Variants in CHLSN observed in about 807,000 individuals in gnomAD.
The protein encoded by CHLSN is protein cholesin.
At chr7:1,060,528 C>CGTGGGGACA in the CHLSN span, among the ~76,000 whole-genome samples, 5 of 152,120 alleles carry the variant, frequency 3.3e-5, no homozygotes, top group Non-Finnish European at 5.9e-5. Flanking sequence ...CAGCCATCGA[C>CGTGGGGACA]GTGGGGACGT....
the CHLSN span, among the ~76,000 whole-genome samples, chr7:1,079,882 G>A: frequency 6.6e-6 from 1 of 152,262 alleles, no homozygotes; most frequent in African/African-American, 2.4e-5. Flanking sequence ...GAGGGCCCAT[G>A]CTGCCGTCAA....
the CHLSN span, chr7:1,010,105 T>A: frequency 3.1e-6 from 5 of 1,612,688 alleles, no homozygotes; most frequent in Non-Finnish European, 4.2e-6. Context: ...GGGACAGCTC[T>A]GGCTCTGCGT....
chr7:989,209 G>C, the CHLSN span: 1 of 244,552 alleles, frequency 4.1e-6, no homozygotes, highest in Admixed American at 5.0e-5. Context: ...AGGCGCAGGT[G>C]GGTGTCCTCA....
chr7:1,092,362 C>T, the CHLSN span: 8 of 1,610,968 alleles, frequency 5.0e-6, no homozygotes, highest in South Asian at 1.1e-5. Flanking sequence ...CGCGGATGTC[C>T]GGGAGGTGCA....
chr7:1,032,336 G>A, the CHLSN span, among the ~76,000 whole-genome samples: 9 of 152,352 alleles, frequency 5.9e-5, no homozygotes, highest in African/African-American at 2.2e-4. Flanking sequence ...TGGAGGCCTC[G>A]GCGAGGCTCC....
At chr7:986,132 G>A in the CHLSN span, among the ~76,000 whole-genome samples, 1 of 152,146 alleles carries the variant, frequency 6.6e-6, no homozygotes, top group Non-Finnish European at 1.5e-5. Context: ...GACGCCGCGT[G>A]GAACTCACTA....
At chr7:998,809 G>A in the CHLSN span, among the ~76,000 whole-genome samples, 1 of 152,144 alleles carries the variant, frequency 6.6e-6, no homozygotes, top group African/African-American at 2.4e-5. Flanking sequence ...TGTGCTTCTA[G>A]AGTCACATTT....
the CHLSN span, among the ~76,000 whole-genome samples, chr7:1,053,804 G>C: frequency 1.3e-5 from 2 of 152,178 alleles, no homozygotes; most frequent in Non-Finnish European, 2.9e-5. Flanking sequence ...TCCAGCCTGG[G>C]CAACAGAGCG....
chr7:984,692 G>A, the CHLSN span: 2 of 1,401,114 alleles, frequency 1.4e-6, no homozygotes, highest in South Asian at 2.7e-5. Context: ...AGAGCAGGCA[G>A]GAGCTGGGCC....
chr7:1,132,650 T>C, the CHLSN span, among the ~76,000 whole-genome samples: 1 of 143,696 alleles, frequency 7.0e-6, no homozygotes, highest in South Asian at 2.2e-4. Flanking sequence ...GCCATGATTA[T>C]GCCACTGCAA....
At chr7:1,130,256 G>A in the CHLSN span, among the ~76,000 whole-genome samples, 1 of 152,234 alleles carries the variant, frequency 6.6e-6, no homozygotes, top group African/African-American at 2.4e-5. Context: ...ACTGTGTGAT[G>A]AGGGAGCCGA....
the CHLSN span, among the ~76,000 whole-genome samples, chr7:1,132,705 A>G: frequency 1.3e-5 from 2 of 148,912 alleles, no homozygotes; most frequent in Non-Finnish European, 3.0e-5. Flanking sequence ...AAAAAAAAAA[A>G]AAAAAAAAAA....
chr7:1,136,179 CATA>C, the CHLSN span, among the ~76,000 whole-genome samples: 2 of 95,616 alleles, frequency 2.1e-5, no homozygotes, highest in African/African-American at 1.1e-4. Context: ...TATAAATATA[CATA>C]ATTATAAATA....
At chr7:1,099,849 C>G in the CHLSN span, among the ~76,000 whole-genome samples, 27 of 152,348 alleles carry the variant, frequency 1.8e-4, no homozygotes, top group Admixed American at 4.6e-4. Flanking sequence ...CTCCAGAGGA[C>G]AAGGGTACGT....
chr7:1,021,859 G>A, the CHLSN span, among the ~76,000 whole-genome samples: 1 of 152,238 alleles, frequency 6.6e-6, no homozygotes, highest in African/African-American at 2.4e-5. Flanking sequence ...CTTCCGCGGG[G>A]CGAGGCTGGG....
chr7:1,038,333 A>G, the CHLSN span, among the ~76,000 whole-genome samples: 1,793 of 68,512 alleles, frequency 0.026, 82 homozygotes, highest in African/African-American at 0.081. Context: ...CCGGCCAGCC[A>G]CCCCGTCCGG....
chr7:1,127,290 C>T, the CHLSN span: 1 of 1,610,260 alleles, frequency 6.2e-7, no homozygotes. Flanking sequence ...TTGGTGCAGC[C>T]TCAGGGCCCA....
At chr7:1,060,414 G>A in the CHLSN span, among the ~76,000 whole-genome samples, 6 of 152,160 alleles carry the variant, frequency 3.9e-5, no homozygotes, top group South Asian at 4.2e-4. Context: ...TGAGCGCCCC[G>A]GGGTTCTGTG....
chr7:1,094,704 G>A, the CHLSN span, among the ~76,000 whole-genome samples: 2 of 151,954 alleles, frequency 1.3e-5, no homozygotes, highest in African/African-American at 2.4e-5. Context: ...CTGTCTGTGG[G>A]ACATAACACA....
Sources: gnomAD v4.1 joint callset for allele counts (sites outside exome capture counted in the v4.1 genomes callset) on GRCh38, gnomAD v4.1.1 for gene constraint, MANE v1.5 for transcripts, NCBI Gene and HGNC (gene_info 2026-07-23, HGNC 2026-07-21) for gene names.